POLN: variants seen among roughly 807,000 people sequenced by gnomAD.
POLN encodes the protein DNA polymerase N.
Under a neutral mutation model 113.5 loss-of-function variants are expected in POLN, and 108 were observed. The ratio of observed to expected loss-of-function variants is 0.95; its 90% CI spans 0.81 to 1.12. The LOEUF (loss-of-function observed/expected upper bound fraction) is 1.12. Among genes scored for constraint, POLN ranks in the 50% most tolerant of loss-of-function variants. The pLI is 0.00. For synonymous variants in POLN, 386 were observed against 391.5 expected (o/e 0.99, Z 0.17); for missense variants, 1,097 against 1,077.1 (o/e 1.02, Z -0.26).
chr4:2,169,492 G>A (rs1441646074), intron 13 of POLN, among the ~76,000 whole-genome samples: 1 of 152,178 alleles, frequency 6.6e-6, no homozygotes, highest in Non-Finnish European at 1.5e-5. Flanking sequence ...ACTTTTCTCA[G>A]AATGGCCGAT....
At chr4:2,177,291 C>A in intron 8 of POLN, 1 of 484,374 alleles carries the variant, frequency 2.1e-6, no homozygotes, top group Non-Finnish European at 4.1e-6. Flanking sequence ...ACAGCCATGC[C>A]TCCTTCTCCC....
chr4:2,176,199 C>G, intron 9 of POLN, 67 bp downstream of exon 9: 1 of 1,271,350 alleles, frequency 7.9e-7, no homozygotes, highest in Admixed American at 1.9e-5. Context: ...CCTGGGAGTG[C>G]GGGTGCCAAT....
intron 23 of POLN, chr4:2,079,303 C>A (rs1213979640): frequency 4.9e-6 from 3 of 614,432 alleles, no homozygotes; most frequent in African/African-American, 4.0e-5. Flanking sequence ...CCTGCCAAGA[C>A]GGAAACTAGC....
Position 2,241,696 on chromosome 4 carries a change from C to A in POLN, c.-189G>T. The A allele has an allele frequency of 4.1e-6, 4 of 985,540 alleles. No individual in the cohort carries two copies. The highest frequency in any genetic ancestry group is 3.6e-6 in the Non-Finnish European group (3 of 829,984). 61.0% of individuals were successfully genotyped at this position (985,540 alleles called of 1,614,324 possible). On this transcript the variant is annotated 5_prime_UTR_variant, in exon 2 of 26. Transcript: ENST00000511885. ...GCGAACCCCAGAGGCAGCGGCAAGC[C>A]CCAGGGATCCGCGGCCCCAAGGCCG...
rs181257729 is a variant in POLN, at chr4:2,072,133, G to C, written c.2684C>G (p.Ser895Trp). Residue 895 changes from serine (S) to tryptophan (W), a missense_variant, in exon 26 of 26, where the codon TCG (serine) becomes TGG (tryptophan). Ser to Trp is a radical substitution (Grantham distance 177). Coordinates refer to ENST00000511885, the MANE Select transcript of POLN (RefSeq NM_181808.4). ...ASTQPPPLHF[S>W]PSFCL The stretch of plus-strand genomic sequence containing the variant: ...CTGGGGCTACAGACAAAATGAAGGC[G>C]AAAAATGCAGGGGTGGGGGCTGGGT... The C allele has an allele frequency of 4.0e-5, 64 of 1,599,498 alleles. No homozygotes were observed. The Middle Eastern group carries it at 1.2e-3, about 29-fold the overall frequency.
intron 22 of POLN, 42 bp downstream of exon 22, chr4:2,081,591 A>G: frequency 6.3e-7 from 1 of 1,596,156 alleles, no homozygotes; most frequent in Non-Finnish European, 8.6e-7. Flanking sequence ...AAAACCCAAG[A>G]AGCAAATGGA....
At chr4:2,184,905 T>A (rs890201211) in intron 7 of POLN, among the ~76,000 whole-genome samples, 1 of 152,268 alleles carries the variant, frequency 6.6e-6, no homozygotes, top group Non-Finnish European at 1.5e-5. Context: ...AGGCTTTTTT[T>A]GATCACCTTT....
At chr4:2,077,408 G>C (rs1163017420) in intron 23 of POLN, among the ~76,000 whole-genome samples, 1 of 152,356 alleles carries the variant, frequency 6.6e-6, no homozygotes, top group South Asian at 2.1e-4. Flanking sequence ...GGCCCAGACA[G>C]CGGTACACTG....
intron 2 of POLN, among the ~76,000 whole-genome samples, chr4:2,232,633 ATTTTTCAT>A (rs1395009631): frequency 6.6e-6 from 1 of 152,090 alleles, no homozygotes; most frequent in Non-Finnish European, 1.5e-5. Flanking sequence ...ACAAATCTCC[ATTTTTCAT>A]TTTTTCATAT....
At chr4:2,205,149 G>A (rs925399923) in intron 5 of POLN, among the ~76,000 whole-genome samples, 3 of 152,132 alleles carry the variant, frequency 2.0e-5, no homozygotes, top group African/African-American at 4.8e-5. Context: ...GAAATCAACT[G>A]TCACTATTTG....
chr4:2,169,568 T>C (rs1241062810), intron 13 of POLN, among the ~76,000 whole-genome samples: 1 of 152,150 alleles, frequency 6.6e-6, no homozygotes, highest in African/African-American at 2.4e-5. Flanking sequence ...CACAGACACA[T>C]GGACACACAC....
At chr4:2,232,159 T>C in intron 2 of POLN, 1 of 1,414,844 alleles carries the variant, frequency 7.1e-7, no homozygotes, top group Non-Finnish European at 9.6e-7. Context: ...CTCTGTTAAC[T>C]CCTAAAAAAG....
chr4:2,187,114 T>C (rs778829660), intron 7 of POLN, among the ~76,000 whole-genome samples: 19 of 152,214 alleles, frequency 1.2e-4, no homozygotes, highest in African/African-American at 3.1e-4. Context: ...CTATAAGATA[T>C]AGAAAATTGC....
intron 2 of POLN, chr4:2,240,723 G>C: frequency 1.2e-6 from 2 of 1,613,810 alleles, no homozygotes; most frequent in Non-Finnish European, 1.7e-6. Context: ...ATCCAATGCC[G>C]CCCCTTCTAG....
At chr4:2,103,064 T>C (rs1465890018) in intron 19 of POLN, among the ~76,000 whole-genome samples, 1 of 152,098 alleles carries the variant, frequency 6.6e-6, no homozygotes, top group Admixed American at 6.6e-5. Context: ...CAGCAATAGA[T>C]CTTAACCAAA....
chr4:2,075,137 A>G (rs1730244809), intron 24 of POLN, among the ~76,000 whole-genome samples: 1 of 152,186 alleles, frequency 6.6e-6, no homozygotes, highest in Non-Finnish European at 1.5e-5. Context: ...CCCAAGACAT[A>G]GAGGCCTTGG....
At chr4:2,174,125 C>CAT in intron 10 of POLN, 106 bp from the exon 11 acceptor site, 2 of 1,060,078 alleles carry the variant, frequency 1.9e-6, no homozygotes, top group Non-Finnish European at 2.9e-6. Context: ...CTGCAACTGC[C>CAT]ATTTACTCAG....
Position 2,208,163 on chromosome 4 carries a change from C to T in POLN, c.538G>A (p.Asp180Asn). 6.2e-7 allele frequency: 1 copy of T among 1,614,020 alleles called. No individual in the cohort carries two copies. The highest frequency in any genetic ancestry group is 1.1e-5 in the South Asian group (1 of 91,064). Residue 180 changes from aspartate (D) to asparagine (N), a missense_variant, in exon 5 of 26, where the codon GAC becomes AAC. By Grantham distance (23) the Asp-to-Asn change is conservative. Coordinates refer to ENST00000511885, the MANE Select transcript of POLN (RefSeq NM_181808.4). ...CCAGAATTTAGGTAGCCTTCGGCGTCATCAGTATCTTCTTCCAATGCCATT... is the reference window on the plus strand; with the variant it reads ...CCAGAATTTAGGTAGCCTTCGGCGTTATCAGTATCTTCTTCCAATGCCATT... ...KQMALEEDTDDAEGYLNSGNS... is the reference protein window; with the variant it reads ...KQMALEEDTDNAEGYLNSGNS...
chr4:2,212,385 A>AT (rs1381420013), intron 4 of POLN, among the ~76,000 whole-genome samples: 1 of 151,452 alleles, frequency 6.6e-6, no homozygotes, highest in Non-Finnish European at 1.5e-5. Flanking sequence ...TTTTATTTCT[A>AT]TTTTTTAGAC....
Sources: gnomAD v4.1 joint callset for allele counts (sites outside exome capture counted in the v4.1 genomes callset) on GRCh38, gnomAD v4.1.1 for gene constraint, MANE v1.5 for transcripts, NCBI Gene and HGNC (gene_info 2026-07-23, HGNC 2026-07-21) for gene names.